The following FGD5 variants were observed in gnomAD, a reference collection of about 807,000 sequenced individuals.
FGD5 encodes the protein FYVE, RhoGEF and PH domain-containing protein 5.
In FGD5, 28 loss-of-function variants were observed where a neutral mutation model predicts 133.4. The ratio of observed to expected loss-of-function variants is 0.21; its 90% CI spans 0.16 to 0.29. The LOEUF is 0.29. FGD5 is among the 10% of genes least tolerant of loss of function. The probability of loss-of-function intolerance (pLI) is 1.00; values close to 1 mark genes in which losing one functional copy is unlikely to be tolerated. For synonymous variants in FGD5, 810 were observed against 776.5 expected, an observed-to-expected ratio of 1.04 and a Z score of -0.72; for missense variants, 1,858 against 1,895.2, an observed-to-expected ratio of 0.98 and a Z score of 0.36.
chr3:14,883,250 C>T (rs145951779), intron 4 of FGD5, among the ~76,000 whole-genome samples: 253 of 152,272 alleles, frequency 1.7e-3, no homozygotes, highest in African/African-American at 5.8e-3. Context: ...GGAGAATATG[C>T]GACTGAGACC....
At position 14,819,722 on chromosome 3, in the gene FGD5, T is replaced by A; in HGVS notation, c.651T>A (p.Asp217Glu). The change falls in exon 1 of 20, where the codon GAT becomes GAA. Residue 217 changes from aspartate (D) to glutamate (E), a missense_variant. Physicochemically the swap from Asp to Glu is conservative, Grantham distance 45 (BLOSUM62 2). This residue lies in a region of FGD5 where 1,824 missense variants were observed against 1,848.9 expected (regional missense o/e 0.99). Coordinates refer to ENST00000285046, the MANE Select transcript of FGD5 (RefSeq NM_152536.4). The surrounding 1 kb of genome is among the most constrained non-coding windows in gnomAD (Gnocchi z 4.1). ...CCCCCGGGGAGGCAGAGGAGGATGA[T>A]GAGGAAGGCTGTGCCAGCACAGACC... ...PDTPGEAEED[D>E]EEGCASTDPA... 6.5e-7 allele frequency: 1 copy of A among 1,534,158 alleles called. No individual in the cohort carries two copies. The highest frequency in any genetic ancestry group is 8.8e-7 in the Non-Finnish European group (1 of 1,138,342).
intron 1 of FGD5, among the ~76,000 whole-genome samples, chr3:14,829,275 G>A (rs1267187323): frequency 6.6e-6 from 1 of 152,218 alleles, no homozygotes; most frequent in Non-Finnish European, 1.5e-5. Flanking sequence ...TGTGACAAGT[G>A]TGTACGCCAT....
chr3:14,924,989 A>G (rs1463104001), intron 17 of FGD5, among the ~76,000 whole-genome samples: 2 of 150,878 alleles, frequency 1.3e-5, no homozygotes, highest in Admixed American at 1.3e-4. Flanking sequence ...AGTCCCAGCT[A>G]CTCGGGAGGC....
intron 4 of FGD5, among the ~76,000 whole-genome samples, chr3:14,891,081 C>T (rs1406815527): frequency 6.6e-6 from 1 of 152,184 alleles, no homozygotes; most frequent in Admixed American, 6.5e-5. Context: ...CAAGAGAGAT[C>T]GTTGCCCTCA....
intron 8 of FGD5, 26 bp downstream of exon 8, chr3:14,900,479 A>G (rs762949682): frequency 6.2e-7 from 1 of 1,611,184 alleles, no homozygotes. Flanking sequence ...ATGCGGAGGG[A>G]GGTACTCAAG....
chr3:14,903,169 A>G (rs2038274687), intron 9 of FGD5, among the ~76,000 whole-genome samples: 1 of 152,192 alleles, frequency 6.6e-6, no homozygotes, highest in South Asian at 2.1e-4. Flanking sequence ...CTCTCTCCCC[A>G]TTAAACTCTA....
intron 1 of FGD5, among the ~76,000 whole-genome samples, chr3:14,827,223 A>G (rs2036615668): frequency 6.6e-6 from 1 of 151,288 alleles, no homozygotes. Context: ...TTTCAATCCA[A>G]TGCTGTTTCC....
At chr3:14,834,683 C>T (rs1255145880) in intron 1 of FGD5, among the ~76,000 whole-genome samples, 1 of 152,148 alleles carries the variant, frequency 6.6e-6, no homozygotes, top group Non-Finnish European at 1.5e-5. Context: ...GTTTGCAGAA[C>T]CCTGTGCCAC....
At chr3:14,816,321 A>T (rs74749087), upstream of FGD5, among the ~76,000 whole-genome samples, 1 of 152,152 alleles carries the variant, frequency 6.6e-6, no homozygotes, top group Non-Finnish European at 1.5e-5. Context: ...CTGCCACCCA[A>T]TGTTGACAGT....
At chr3:14,924,269 G>A (rs2038746418) in intron 17 of FGD5, 131 bp downstream of exon 17, 3 of 1,393,874 alleles carry the variant, frequency 2.2e-6, no homozygotes, top group Admixed American at 2.0e-5. Flanking sequence ...ATTCCTAATG[G>A]AAGCATCCCA....
In FGD5 at chr3:14,821,216, T is replaced by C; in HGVS notation, c.2145T>C (p.Ala715=). ...QLKSRTGKLR[A]SESPSSLIFY... ...AGTCTCGGACTGGGAAGCTCCGGGC[T>C]TCTGAATCCCCCTCCTCCCTCATCT... The change falls in exon 1 of 20, where the codon GCT becomes GCC. Residue 715 remains alanine, a synonymous_variant. Transcript: ENST00000285046. The C allele has an allele frequency of 6.2e-7, 1 of 1,613,952 alleles. No individual in the cohort carries two copies. The highest frequency in any genetic ancestry group is 2.2e-5 in the East Asian group (1 of 44,862).
At chr3:14,864,846 A>G (rs1333948958) in intron 2 of FGD5, among the ~76,000 whole-genome samples, 1 of 152,046 alleles carries the variant, frequency 6.6e-6, no homozygotes, top group African/African-American at 2.4e-5. Flanking sequence ...GGGATAATAT[A>G]CACTCTCTAT....
intron 1 of FGD5, among the ~76,000 whole-genome samples, chr3:14,847,581 A>T (rs1040326759): frequency 1.1e-4 from 16 of 152,320 alleles, no homozygotes; most frequent in African/African-American, 3.8e-4. Flanking sequence ...TGTATGTATC[A>T]CTTCACTAAA....
Position 14,922,565 on chromosome 3 carries a change from G to A in FGD5, c.3807+17G>A. On this transcript the variant is annotated intron_variant, in intron 15 of 19. Coordinates refer to ENST00000285046, the MANE Select transcript of FGD5 (RefSeq NM_152536.4). This position sits in a 1 kb window ranked among gnomAD's most constrained non-coding sequence, Gnocchi z 4.1. ...TGTGGCAAGGTGAGTCGCTGCATCT[G>A]GGGTGAGTGTGTGCATGGGGGTGGG... 1.3e-6 allele frequency: 2 copies of A among 1,568,848 alleles called. No homozygotes were observed. The highest frequency in any genetic ancestry group is 1.7e-6 in the Non-Finnish European group (2 of 1,158,626).
At chr3:14,866,418 T>G (rs60867202) in intron 2 of FGD5, among the ~76,000 whole-genome samples, 13,019 of 152,072 alleles carry the variant, frequency 0.086, 749 homozygotes, top group East Asian at 0.3. Flanking sequence ...CCCTGGACAT[T>G]GGCTATTACC....
chr3:14,873,692 T>G (rs1266788034), intron 2 of FGD5, among the ~76,000 whole-genome samples: 1 of 151,910 alleles, frequency 6.6e-6, no homozygotes, highest in Non-Finnish European at 1.5e-5. Flanking sequence ...TTCTTTTCAC[T>G]GTGGCAAGAA....
intron 1 of FGD5, among the ~76,000 whole-genome samples, chr3:14,822,434 TG>T (rs2036522554): frequency 6.6e-6 from 1 of 151,950 alleles, no homozygotes; most frequent in African/African-American, 2.4e-5. Flanking sequence ...AAAGAGCTGA[TG>T]GTGCCCTGAG....
intron 4 of FGD5, among the ~76,000 whole-genome samples, chr3:14,891,715 T>G (rs11924206): frequency 0.76 from 115,355 of 152,082 alleles, 44,048 homozygotes; most frequent in African/African-American, 0.84. Context: ...ACAGGATGAG[T>G]TGTTCAGGAA....
At chr3:14,893,239 A>G (rs2038063680) in intron 4 of FGD5, among the ~76,000 whole-genome samples, 1 of 152,214 alleles carries the variant, frequency 6.6e-6, no homozygotes, top group Non-Finnish European at 1.5e-5. Context: ...ATATGTTTAT[A>G]TAATTTGTAA....
Sources: gnomAD v4.1 joint callset for allele counts (sites outside exome capture counted in the v4.1 genomes callset) on GRCh38, gnomAD v4.1.1 for gene constraint, gnomAD v4.1.1 regional missense constraint, Gnocchi (gnomAD v3.1) non-coding constraint, MANE v1.5 for transcripts, NCBI Gene and HGNC (gene_info 2026-07-23, HGNC 2026-07-21) for gene names.